SOX5: variants seen among roughly 807,000 people sequenced by gnomAD.
The protein encoded by SOX5 is transcription factor SOX-5.
SOX5 carries 9 observed loss-of-function variants against 92.0 expected under a neutral mutation model. The observed-to-expected ratio is 0.10, with a 90% CI of 0.06 to 0.17. The LOEUF (loss-of-function observed/expected upper bound fraction) is 0.17, where lower values mean the gene tolerates loss of function less well. SOX5 is among the 10% of genes least tolerant of loss of function. The probability of loss-of-function intolerance (pLI) is 1.00; values close to 1 mark genes in which losing one functional copy is unlikely to be tolerated. For synonymous variants in SOX5, 344 were observed against 336.3 expected, an observed-to-expected ratio of 1.02 and a Z score of -0.25; for missense variants, 642 against 944.5, an observed-to-expected ratio of 0.68 and a Z score of 4.20.
chr12:23,781,006 G>C (rs1458548922), intron 3 of SOX5, among the ~76,000 whole-genome samples: 1 of 151,898 alleles, frequency 6.6e-6, no homozygotes, highest in African/African-American at 2.4e-5. Flanking sequence ...AACTAGAAAA[G>C]CTCATTTTTA....
chr12:23,671,568 A>G (rs1201173423), intron 6 of SOX5, among the ~76,000 whole-genome samples: 2 of 152,182 alleles, frequency 1.3e-5, no homozygotes, highest in Admixed American at 1.3e-4. Context: ...CCATTAGCAA[A>G]AAGAGACATG....
intron 1 of SOX5, among the ~76,000 whole-genome samples, chr12:24,498,481 T>C (rs748170082): frequency 2.9e-4 from 44 of 152,296 alleles, no homozygotes; most frequent in South Asian, 8.3e-4. Flanking sequence ...CACCATTAAA[T>C]AGGAGTGTTA....
intron 4 of SOX5, among the ~76,000 whole-genome samples, chr12:24,138,336 G>A (rs764693451): frequency 1.3e-5 from 2 of 151,992 alleles, no homozygotes; most frequent in Admixed American, 6.5e-5. Context: ...CTCTTACATC[G>A]CAGTTTGCAT....
chr12:24,174,005 G>T (rs942783864), intron 4 of SOX5, among the ~76,000 whole-genome samples: 13 of 148,188 alleles, frequency 8.8e-5, no homozygotes, highest in African/African-American at 2.7e-4. Flanking sequence ...TTGTTTTTTT[G>T]TTTTTTTTTT....
chr12:24,013,050 C>T (rs1052285697), intron 4 of SOX5, among the ~76,000 whole-genome samples: 1 of 152,116 alleles, frequency 6.6e-6, no homozygotes, highest in East Asian at 1.9e-4. Context: ...AAAAAAGTTT[C>T]TGCACATACG....
chr12:24,275,430 A>G (rs1468864736), intron 3 of SOX5, among the ~76,000 whole-genome samples: 1 of 151,818 alleles, frequency 6.6e-6, no homozygotes, highest in Non-Finnish European at 1.5e-5. Context: ...TTAATTTAAC[A>G]TTGCATTATG....
chr12:24,326,781 T>TACAGACACATACACAC (rs1950736484), intron 2 of SOX5, among the ~76,000 whole-genome samples: 1 of 42,348 alleles, frequency 2.4e-5, no homozygotes, highest in Non-Finnish European at 5.8e-5. Context: ...CACCCATTCA[T>TACAGACACATACACAC]ACACACACAT....
At chr12:23,964,259 T>C (rs982557089) in intron 4 of SOX5, among the ~76,000 whole-genome samples, 14 of 152,200 alleles carry the variant, frequency 9.2e-5, no homozygotes, top group Admixed American at 8.5e-4. Context: ...GTTGTAATTA[T>C]CACAAGTTTG....
chr12:24,430,674 A>G (rs1938127890), intron 1 of SOX5, among the ~76,000 whole-genome samples: 1 of 152,118 alleles, frequency 6.6e-6, no homozygotes, highest in African/African-American at 2.4e-5. Context: ...ATAAGCAACT[A>G]TATTTCTAGG....
intron 3 of SOX5, among the ~76,000 whole-genome samples, chr12:24,219,832 A>G (rs1522233): frequency 1 from 152,211 of 152,232 alleles, 76,095 homozygotes; most frequent in Non-Finnish European, 1. Context: ...AAAAGTTCTC[A>G]AGCACTTATT....
At chr12:24,241,683 T>C (rs1472430229) in intron 3 of SOX5, among the ~76,000 whole-genome samples, 1 of 152,154 alleles carries the variant, frequency 6.6e-6, no homozygotes, top group African/African-American at 2.4e-5. Context: ...AACAGAACAT[T>C]CAAGCTCATT....
At chr12:24,300,000 C>A (rs1947767470) in intron 2 of SOX5, among the ~76,000 whole-genome samples, 1 of 152,084 alleles carries the variant, frequency 6.6e-6, no homozygotes, top group Non-Finnish European at 1.5e-5. Flanking sequence ...AGAAACAAAA[C>A]AAGTACAAGC....
intron 3 of SOX5, among the ~76,000 whole-genome samples, chr12:23,831,679 G>C (rs556593286): frequency 5.3e-5 from 8 of 152,024 alleles, no homozygotes; most frequent in Non-Finnish European, 1.2e-4. Context: ...AGGTAAGTTT[G>C]GTAATAAGTT....
At chr12:24,508,183 G>A (rs755732416) in intron 1 of SOX5, among the ~76,000 whole-genome samples, 1 of 152,100 alleles carries the variant, frequency 6.6e-6, no homozygotes, top group African/African-American at 2.4e-5. Context: ...TTACACATGC[G>A]TCTAGACCAT....
In SOX5 at chr12:24,383,666, C is replaced by T. The variant is rs576855868; in HGVS notation, c.-250-15027G>A. ...TATCAGATCCAGCGTCATGGTATCA[C>T]CATGCTTCTGTTCAAGAAACCCTTA... On this transcript the variant is annotated intron_variant, in intron 1 of 4. Transcript: ENST00000446891. Among the ~76,000 whole-genome samples the T allele has an allele frequency of 2.9e-4, 44 of 152,274 alleles. No homozygotes were observed. In the South Asian group the frequency reaches 9.1e-3, roughly 32 times the overall value.
chr12:23,954,182 T>C (rs185140936), upstream of SOX5, among the ~76,000 whole-genome samples: 1 of 152,192 alleles, frequency 6.6e-6, no homozygotes. Flanking sequence ...TAAAAATATG[T>C]GGTCATAGGT....
In SOX5 at chr12:24,274,670, A is replaced by AG. The variant is rs1177351725; in HGVS notation, c.-77+2545dup. 1.2e-4 allele frequency among the ~76,000 whole-genome samples: 5 copies of AG among 40,706 alleles called. No individual in the cohort carries two copies. In the East Asian group the frequency reaches 5.1e-3, roughly 42 times the overall value. The allele number at this position is 40,706 out of a possible 152,430, so 26.7% of individuals were successfully genotyped here. On this transcript the variant is annotated intron_variant, in intron 3 of 4. Transcript: ENST00000446891. ...GAGTAAAGTCAGTTTAGGTTTTGAA[A>AG]GGAAAAAAAAAAAAAGCTTTCACTG...
intron 3 of SOX5, among the ~76,000 whole-genome samples, chr12:23,832,295 TG>T (rs1480658439): frequency 6.6e-6 from 1 of 152,056 alleles, no homozygotes; most frequent in Non-Finnish European, 1.5e-5. Context: ...CATATTTATT[TG>T]GGGAAATGTA....
chr12:23,668,634 C>T (rs12231882), intron 6 of SOX5, among the ~76,000 whole-genome samples: 11,869 of 152,174 alleles, frequency 0.078, 638 homozygotes, highest in South Asian at 0.24. Flanking sequence ...GTATGAAATT[C>T]CCTTTAAACC....
Sources: allele counts gnomAD v4.1 joint callset (sites outside exome capture counted in the v4.1 genomes callset), GRCh38; gene constraint gnomAD v4.1.1; transcripts MANE v1.5; gene names NCBI Gene and HGNC (gene_info 2026-07-23, HGNC 2026-07-21).